Variants in KNG1 observed in about 807,000 individuals in gnomAD.
KNG1 encodes the protein kininogen 1.
In KNG1, 23 loss-of-function variants were observed where a neutral mutation model predicts 47.8. That is an observed-to-expected ratio of 0.48 (90% CI 0.35 to 0.68). The LOEUF (loss-of-function observed/expected upper bound fraction) is 0.68. Ranked by LOEUF, KNG1 falls within the 30% of genes least tolerant of loss-of-function variation. The pLI is 0.01. For missense variants in KNG1, 762 were observed against 790.2 expected (o/e 0.96, Z 0.43); for synonymous variants, 277 against 277.0 (o/e 1.00, Z 0.00).
chr3:186,722,385 G>A, intron 2 of KNG1, 52 bp from the exon 3 acceptor site: 1 of 1,424,442 alleles, frequency 7.0e-7, no homozygotes, highest in Non-Finnish European at 9.9e-7. Flanking sequence ...GTATTAGGTA[G>A]ACTTTCCCAT....
At chr3:186,733,893 G>A (rs529652238) in intron 7 of KNG1, among the ~76,000 whole-genome samples, 75 of 152,170 alleles carry the variant, frequency 4.9e-4, no homozygotes, top group Admixed American at 3.2e-3. Flanking sequence ...ACTTGAACCC[G>A]GGAGGCGGAG....
At chr3:186,720,654 T>C (rs971990828) in intron 2 of KNG1, 1 of 232,294 alleles carries the variant, frequency 4.3e-6, no homozygotes, top group Non-Finnish European at 8.6e-6. Context: ...ATATGGGAGA[T>C]AATATTGACC....
chr3:186,720,263 T>C (rs765304312), intron 2 of KNG1, 48 bp downstream of exon 2: 4 of 1,237,908 alleles, frequency 3.2e-6, no homozygotes, highest in Non-Finnish European at 4.7e-6. Context: ...CCGTTGACCC[T>C]GCCAGATTTT....
intron 7 of KNG1, among the ~76,000 whole-genome samples, chr3:186,734,022 T>C (rs911248284): frequency 6.6e-6 from 1 of 152,198 alleles, no homozygotes; most frequent in Non-Finnish European, 1.5e-5. Flanking sequence ...CTGACTGATG[T>C]CATTATGGAC....
In KNG1 at chr3:186,742,168, T is replaced by C. The variant is rs772102793; in HGVS notation, c.1772T>C (p.Ile591Thr). The C allele has an allele frequency of 1.2e-6, 2 of 1,614,162 alleles. No individual in the cohort carries two copies. The highest frequency in any genetic ancestry group is 8.5e-7 in the Non-Finnish European group (1 of 1,180,024). ...AGTGATGACGATTGGATCCCTGATA[T>C]CCAGATAGACCCAAATGGCCTTTCA... is the stretch of plus-strand genomic sequence containing the variant. ...IQSDDDWIPD[I>T]QIDPNGLSFN... is the part of the protein sequence containing the mutation. The change falls in exon 10 of 10, where the codon ATC becomes ACC. Residue 591 changes from isoleucine (I) to threonine (T), a missense_variant. Coordinates refer to ENST00000644859, the MANE Select transcript of KNG1 (RefSeq NM_001102416.3).
At chr3:186,735,031 A>C (rs710449) in intron 7 of KNG1, among the ~76,000 whole-genome samples, 1 of 152,056 alleles carries the variant, frequency 6.6e-6, no homozygotes, top group Non-Finnish European at 1.5e-5. Flanking sequence ...TCCCAGACAC[A>C]ACCACCCTCT....
chr3:186,725,543 A>ATTTTTTTTTTCTTTTT (rs1720337577), intron 4 of KNG1, among the ~76,000 whole-genome samples: 1 of 87,724 alleles, frequency 1.1e-5, no homozygotes, highest in Non-Finnish European at 2.2e-5. Context: ...CGGCCTTAGG[A>ATTTTTTTTTTCTTTTT]TTTTTTTTTT....
rs868276977 is a variant in KNG1, at chr3:186,720,127, C to G, written c.218C>G (p.Ser73Cys). ...CAGGTTGGCTCTGACACGTTTTATT[C>G]CTTCAAGTACGAAATCAAGGAGGGG... ...TKTVGSDTFY[S>C]FKYEIKEGDC... Residue 73 changes from serine (S) to cysteine (C), a missense_variant, in exon 2 of 10, where the codon TCC becomes TGC. Coordinates refer to ENST00000644859, the MANE Select transcript of KNG1 (RefSeq NM_001102416.3). 3 of 1,613,684 alleles carry G rather than the reference C, an allele frequency of 1.9e-6. No individual in the cohort carries two copies. The Admixed American group carries it at 5.0e-5, about 27-fold the overall frequency.
intron 2 of KNG1, among the ~76,000 whole-genome samples, chr3:186,720,946 C>T (rs561967365): frequency 4.6e-5 from 7 of 152,078 alleles, no homozygotes; most frequent in Non-Finnish European, 5.9e-5. Flanking sequence ...CCCACCACCA[C>T]GCCTGGCTAA....
At chr3:186,740,744 T>C (rs1362493652) in intron 9 of KNG1, among the ~76,000 whole-genome samples, 2 of 152,216 alleles carry the variant, frequency 1.3e-5, no homozygotes, top group East Asian at 1.9e-4. Flanking sequence ...AACAAAGTGA[T>C]CATGGATACA....
In KNG1 at chr3:186,732,576, C is replaced by T. The variant is rs773035027; in HGVS notation, c.832C>T (p.Leu278=). ...PRDIPTNSPE[L]EETLTHTITK... Reference sequence around the variant, plus strand: ...AGATATACCCACCAACAGCCCAGAGCTGGAGGAGACACTGACTCACACCAT... The same window carrying T: ...AGATATACCCACCAACAGCCCAGAGTTGGAGGAGACACTGACTCACACCAT... Residue 278 remains leucine, a synonymous_variant, in exon 7 of 10, where the codon CTG becomes TTG. Coordinates refer to ENST00000644859, the MANE Select transcript of KNG1 (RefSeq NM_001102416.3). 1.9e-6 allele frequency: 3 copies of T among 1,614,026 alleles called. No individual in the cohort carries two copies. The highest frequency in any genetic ancestry group is 1.7e-6 in the Non-Finnish European group (2 of 1,179,896).
In KNG1 at chr3:186,721,029, T is replaced by A. The variant is rs568861342; in HGVS notation, c.306+814T>A. On this transcript the variant is annotated intron_variant, in intron 2 of 9. Transcript: ENST00000644859. ...TGGTCTCAATCTCCTGACCTGGTGATCTGCCTGCCTCAGCCTCTCAAAGTG... is the reference window on the plus strand; with the variant it reads ...TGGTCTCAATCTCCTGACCTGGTGAACTGCCTGCCTCAGCCTCTCAAAGTG... 2.5e-3 allele frequency among the ~76,000 whole-genome samples: 379 copies of A among 152,182 alleles called. 1 individual carries two copies. The highest frequency in any genetic ancestry group is 3.8e-3 in the Non-Finnish European group (261 of 68,008).
At chr3:186,717,862 A>AC (rs1720034630) in intron 1 of KNG1, 125 bp downstream of exon 1, 1 of 264,706 alleles carries the variant, frequency 3.8e-6, no homozygotes. Context: ...ACCCACCACC[A>AC]TCACCCACCA....
chr3:186,718,513 C>T (rs1239023514), intron 1 of KNG1: 1 of 151,542 alleles, frequency 6.6e-6, no homozygotes, highest in Non-Finnish European at 1.5e-5. Context: ...GGTGGGAGGA[C>T]AGAGTATGAC....
chr3:186,731,437 C>A, intron 5 of KNG1, 108 bp from the exon 6 acceptor site: 1 of 703,938 alleles, frequency 1.4e-6, no homozygotes, highest in Non-Finnish European at 2.6e-6. Flanking sequence ...TTTTTCTATG[C>A]AATGATTTGG....
chr3:186,720,806 T>C (rs1366687423), intron 2 of KNG1, among the ~76,000 whole-genome samples: 2 of 125,438 alleles, frequency 1.6e-5, no homozygotes, highest in East Asian at 4.5e-4. Context: ...TTTTTTTTTT[T>C]TGAGCCAGAG....
Position 186,741,609 on chromosome 3 carries a change from C to A in KNG1, c.1213C>A (p.Pro405Thr). ...EIKEETTVSPPHTSMAPAQDE... is the reference protein window; with the variant it reads ...EIKEETTVSPTHTSMAPAQDE... ...AAAAGAAGAAACAACTGTAAGTCCACCCCACACTTCCATGGCACCTGCACA... is the reference window on the plus strand; with the variant it reads ...AAAAGAAGAAACAACTGTAAGTCCAACCCACACTTCCATGGCACCTGCACA... Residue 405 changes from proline (P) to threonine (T), a missense_variant, in exon 10 of 10, where the codon CCC becomes ACC. Physicochemically the swap from Pro to Thr is conservative, Grantham distance 38. Coordinates refer to ENST00000644859, the MANE Select transcript of KNG1 (RefSeq NM_001102416.3). The A allele has an allele frequency of 6.2e-7, 1 of 1,612,916 alleles. No individual in the cohort carries two copies. The highest frequency in any genetic ancestry group is 8.5e-7 in the Non-Finnish European group (1 of 1,179,666).
chr3:186,727,218 C>G lies in KNG1; in HGVS notation c.565-19C>G. 6.5e-7 allele frequency: 1 copy of G among 1,528,228 alleles called. No individual in the cohort carries two copies. The highest frequency in any genetic ancestry group is 9.1e-7 in the Non-Finnish European group (1 of 1,101,980). 94.7% of individuals were successfully genotyped at this position (1,528,228 alleles called of 1,614,324 possible). A position where few individuals can be genotyped will look rare whatever the true frequency, so the allele number is the denominator to read the frequency against. Reference sequence around the variant, plus strand: ...ATGTTTAAACTGCCCTTTAAATATTCAATCTGAAATTGTTTCAGGTGGTGG... The same window carrying G: ...ATGTTTAAACTGCCCTTTAAATATTGAATCTGAAATTGTTTCAGGTGGTGG... On this transcript the variant is annotated intron_variant, in intron 4 of 9. Coordinates refer to ENST00000644859, the MANE Select transcript of KNG1 (RefSeq NM_001102416.3).
chr3:186,722,885 CTTGCCTCTCCTTTTCCTTGTCTAG>C (rs1359965594), intron 3 of KNG1, among the ~76,000 whole-genome samples: 2 of 152,172 alleles, frequency 1.3e-5, no homozygotes, highest in Non-Finnish European at 2.9e-5. Flanking sequence ...TCCTTGCCTT[CTTGCCTCTCCTTTTCCTTGTCTAG>C]AAAAGGGAGG....
Sources: allele counts gnomAD v4.1 joint callset (sites outside exome capture counted in the v4.1 genomes callset), GRCh38; gene constraint gnomAD v4.1.1; transcripts MANE v1.5; gene names NCBI Gene and HGNC (gene_info 2026-07-23, HGNC 2026-07-21).